UNC93A: variants seen among roughly 807,000 people sequenced by gnomAD.
UNC93A encodes unc-93 homolog A.
In UNC93A, 43 loss-of-function variants were observed where a neutral mutation model predicts 47.5. The ratio of observed to expected loss-of-function variants is 0.91; its 90% confidence interval spans 0.71 to 1.17. UNC93A has a LOEUF of 1.17. Ranked by LOEUF, UNC93A falls within the 50% of genes most tolerant of loss-of-function variation. The pLI is 0.00. For synonymous variants in UNC93A, 280 were observed against 258.0 expected, an observed-to-expected ratio of 1.09 and a Z score of -0.82; for missense variants, 605 against 577.6, an observed-to-expected ratio of 1.05 and a Z score of -0.49.
At chr6:167,275,275 G>A (rs1334585508) in intron 1 of UNC93A, among the ~76,000 whole-genome samples, 6 of 152,224 alleles carry the variant, frequency 3.9e-5, no homozygotes, top group Non-Finnish European at 7.3e-5. Context: ...CAGGATGGCC[G>A]CTGGCCCACA....
At chr6:167,302,136 T>C (rs563707966) in intron 4 of UNC93A, among the ~76,000 whole-genome samples, 1 of 152,306 alleles carries the variant, frequency 6.6e-6, no homozygotes, top group Non-Finnish European at 1.5e-5. Context: ...ACATTACCAA[T>C]GGTGCTTTCT....
chr6:167,292,452 CTCT>C (rs1783862419), intron 1 of UNC93A, among the ~76,000 whole-genome samples: 1 of 152,172 alleles, frequency 6.6e-6, no homozygotes, highest in Non-Finnish European at 1.5e-5. Flanking sequence ...GAGGTTTCTC[CTCT>C]CACTGTTGTT....
chr6:167,277,050 C>G (rs918430951), intron 1 of UNC93A, among the ~76,000 whole-genome samples: 20 of 152,238 alleles, frequency 1.3e-4, no homozygotes, highest in African/African-American at 4.3e-4. Flanking sequence ...ACCACAGACT[C>G]CCCTGATGTG....
At chr6:167,286,730 C>T (rs1305255253), upstream of UNC93A, among the ~76,000 whole-genome samples, 1 of 152,090 alleles carries the variant, frequency 6.6e-6, no homozygotes, top group African/African-American at 2.4e-5. Context: ...TTAATCCCAG[C>T]ACTTTGGGAG....
At chr6:167,306,298 T>A (rs1319079984) in intron 6 of UNC93A, among the ~76,000 whole-genome samples, 1 of 152,176 alleles carries the variant, frequency 6.6e-6, no homozygotes. Context: ...AAGTGCCTGC[T>A]CCGAGTGGGC....
At chr6:167,293,939 T>C (rs1469802142) in intron 1 of UNC93A, among the ~76,000 whole-genome samples, 3 of 152,150 alleles carry the variant, frequency 2.0e-5, no homozygotes, top group African/African-American at 7.2e-5. Flanking sequence ...GCCCGGGTTG[T>C]CTCCACCAGT....
chr6:167,312,434 T>C (rs1778584851), intron 7 of UNC93A, among the ~76,000 whole-genome samples: 1 of 152,206 alleles, frequency 6.6e-6, no homozygotes. Flanking sequence ...ATGTGTACTC[T>C]GTAATTCTTC....
chr6:167,293,892 G>T (rs1444992395), intron 1 of UNC93A, among the ~76,000 whole-genome samples: 2 of 152,206 alleles, frequency 1.3e-5, no homozygotes, highest in Non-Finnish European at 2.9e-5. Flanking sequence ...CTGAGGTCTG[G>T]ATGGGGCACC....
chr6:167,303,068 C>T (rs1349032922), intron 4 of UNC93A, among the ~76,000 whole-genome samples: 2 of 152,148 alleles, frequency 1.3e-5, no homozygotes, highest in East Asian at 1.9e-4. Context: ...TGACACCACC[C>T]GTGGTTTCAG....
At chr6:167,306,451 A>C (rs1228360810) in intron 6 of UNC93A, among the ~76,000 whole-genome samples, 4 of 152,202 alleles carry the variant, frequency 2.6e-5, no homozygotes, top group Admixed American at 6.5e-5. Context: ...ATCTATTCAC[A>C]CAGTGGATAA....
chr6:167,309,401 C>A (rs901639704), intron 7 of UNC93A, among the ~76,000 whole-genome samples: 1 of 151,872 alleles, frequency 6.6e-6, no homozygotes, highest in Non-Finnish European at 1.5e-5. Context: ...CTGAATTTCC[C>A]AAAAAACCCC....
chr6:167,269,115 C>T (rs1488449962), upstream of UNC93A, among the ~76,000 whole-genome samples: 1 of 152,134 alleles, frequency 6.6e-6, no homozygotes, highest in African/African-American at 2.4e-5. Flanking sequence ...GCAGCCGTAG[C>T]GAGGCTGAGA....
At chr6:167,293,819 C>A (rs142456284) in intron 1 of UNC93A, among the ~76,000 whole-genome samples, 1 of 152,320 alleles carries the variant, frequency 6.6e-6, no homozygotes, top group African/African-American at 2.4e-5. Flanking sequence ...GGCTGCAGGC[C>A]TCCAAGTTCT....
chr6:167,280,480 G>A (rs1783613653), intron 1 of UNC93A, among the ~76,000 whole-genome samples: 1 of 152,114 alleles, frequency 6.6e-6, no homozygotes, highest in Non-Finnish European at 1.5e-5. Flanking sequence ...CTTCAAAGAG[G>A]GCTGAGCACA....
intron 4 of UNC93A, among the ~76,000 whole-genome samples, chr6:167,301,826 ACAGT>A (rs1435326796): frequency 6.6e-6 from 1 of 152,122 alleles, no homozygotes; most frequent in Non-Finnish European, 1.5e-5. Flanking sequence ...TGGTCTACAC[ACAGT>A]CAGCTCAGGG....
intron 4 of UNC93A, among the ~76,000 whole-genome samples, chr6:167,303,208 C>G (rs983813153): frequency 6.6e-6 from 1 of 152,342 alleles, no homozygotes; most frequent in East Asian, 1.9e-4. Flanking sequence ...AAAGTCCATG[C>G]CTGCTTTATT....
chr6:167,312,000 C>A (rs1194660370), intron 7 of UNC93A, among the ~76,000 whole-genome samples: 2 of 151,368 alleles, frequency 1.3e-5, no homozygotes, highest in East Asian at 3.9e-4. Context: ...TTTTTCTGTG[C>A]CAGGATCCTG....
chr6:167,283,937 C>T (rs73035180), intron 1 of UNC93A, among the ~76,000 whole-genome samples: 36,428 of 152,126 alleles, frequency 0.24, 4,966 homozygotes, highest in Non-Finnish European at 0.32. Flanking sequence ...GCTTTCATAG[C>T]ATCAGGATCT....
intron 1 of UNC93A, among the ~76,000 whole-genome samples, chr6:167,293,859 C>T (rs1583072953): frequency 6.6e-6 from 1 of 152,302 alleles, no homozygotes; most frequent in African/African-American, 2.4e-5. Flanking sequence ...AGGTCACCTC[C>T]TTCTCCCCAC....
Sources: gnomAD v4.1 joint callset for allele counts (sites outside exome capture counted in the v4.1 genomes callset) on GRCh38, gnomAD v4.1.1 for gene constraint, MANE v1.5 for transcripts, NCBI Gene and HGNC (gene_info 2026-07-23, HGNC 2026-07-21) for gene names.